Variants in PTGFRN observed in about 807,000 individuals in gnomAD.
The protein encoded by PTGFRN is prostaglandin F2 receptor negative regulator.
In PTGFRN, 35 loss-of-function variants were observed where a neutral mutation model predicts 83.2. The observed-to-expected ratio is 0.42, with a 90% CI of 0.32 to 0.56. PTGFRN has a LOEUF of 0.56. PTGFRN is among the 20% of genes least tolerant of loss of function. PTGFRN has a pLI of 0.11. For missense variants in PTGFRN, 1,051 were observed against 1,179.5 expected (o/e 0.89, Z 1.60); for synonymous variants, 519 against 498.6 (o/e 1.04, Z -0.55).
chr1:116,921,837 G>A (rs556298717), intron 1 of PTGFRN, among the ~76,000 whole-genome samples: 1 of 152,214 alleles, frequency 6.6e-6, no homozygotes, highest in African/African-American at 2.4e-5. Context: ...TGAAACTGAG[G>A]CCAGGGGCTG....
intron 1 of PTGFRN, among the ~76,000 whole-genome samples, chr1:116,937,595 G>T (rs989262246): frequency 1.3e-5 from 2 of 152,168 alleles, no homozygotes; most frequent in East Asian, 3.9e-4. Context: ...TGGAAGGATT[G>T]GAGAGTTCAG....
intron 5 of PTGFRN, among the ~76,000 whole-genome samples, chr1:116,966,250 G>T (rs985107389): frequency 6.6e-6 from 1 of 152,240 alleles, no homozygotes; most frequent in Non-Finnish European, 1.5e-5. Flanking sequence ...CCTAAAGTTA[G>T]CGTAGCCATA....
intron 6 of PTGFRN, among the ~76,000 whole-genome samples, chr1:116,972,670 C>G (rs1012851868): frequency 4.6e-5 from 7 of 152,172 alleles, no homozygotes; most frequent in African/African-American, 1.7e-4. Flanking sequence ...GGCCTTCAAT[C>G]GTTGCTTCCC....
chr1:116,975,734 A>C (rs1285697208), intron 7 of PTGFRN, among the ~76,000 whole-genome samples: 2 of 152,212 alleles, frequency 1.3e-5, no homozygotes, highest in Admixed American at 1.3e-4. Flanking sequence ...CGTCACCACC[A>C]TCAAAGACCA....
At chr1:116,949,143 G>C (rs755215995) in intron 3 of PTGFRN, 49 bp from the exon 4 acceptor site, 1 of 1,523,100 alleles carries the variant, frequency 6.6e-7, no homozygotes, top group East Asian at 2.3e-5. Flanking sequence ...AGAATAGAAG[G>C]GGCAAACATA....
chr1:116,935,173 A>C (rs1336686126), intron 1 of PTGFRN, among the ~76,000 whole-genome samples: 1 of 152,188 alleles, frequency 6.6e-6, no homozygotes, highest in African/African-American at 2.4e-5. Context: ...TGTCAAGCTC[A>C]CTTCTCTGCT....
At position 116,974,249 on chromosome 1, in the gene PTGFRN, C is replaced by T. The variant is rs752517359; in HGVS notation, c.2093C>T (p.Thr698Ile). ...TTTAATGCTTCTGTGCATTCAGACA[C>T]ACCATCAGTAATTCGGGGAGATCTG... ...PIFNASVHSD[T>I]PSVIRGDLIK... The change falls in exon 7 of 9, where the codon ACA (threonine) becomes ATA (isoleucine). Residue 698 changes from threonine to isoleucine, a missense_variant. Coordinates refer to ENST00000393203, the MANE Select transcript of PTGFRN (RefSeq NM_020440.4). 6 of 1,612,892 alleles carry T rather than the reference C, an allele frequency of 3.7e-6. No individual in the cohort carries two copies. In the Admixed American group the frequency reaches 1.0e-4, roughly 27 times the overall value.
intron 4 of PTGFRN, among the ~76,000 whole-genome samples, chr1:116,956,521 G>A (rs1297965649): frequency 1.3e-5 from 2 of 152,212 alleles, no homozygotes; most frequent in Non-Finnish European, 2.9e-5. Flanking sequence ...ACTACTTATC[G>A]AGCAGGTGGC....
chr1:116,934,644 C>T (rs1178467395), intron 1 of PTGFRN, among the ~76,000 whole-genome samples: 1 of 151,694 alleles, frequency 6.6e-6, no homozygotes, highest in Non-Finnish European at 1.5e-5. Context: ...CTGATAAAAC[C>T]AATATCTGGA....
chr1:116,967,392 G>C lies in PTGFRN; in HGVS notation c.2059+62G>C, dbSNP rs1455858102. 17 of 1,494,332 alleles carry C rather than the reference G, an allele frequency of 1.1e-5. 1 individual carries two copies. The highest frequency in any genetic ancestry group is 1.3e-5 in the Non-Finnish European group (14 of 1,107,550). The allele number at this position is 1,494,332 out of a possible 1,614,324, so 92.6% of individuals were successfully genotyped here. A position where few individuals can be genotyped will look rare whatever the true frequency, so the allele number is the denominator to read the frequency against. On this transcript the variant is annotated intron_variant, in intron 6 of 8. Transcript: ENST00000393203. ...AGAAGAGACCCTAGGGTTTTGATCA[G>C]ATGCCCTCATTTTTTAAAACAGCTT...
chr1:116,953,189 G>C (rs1258755081), intron 4 of PTGFRN, among the ~76,000 whole-genome samples: 3 of 152,204 alleles, frequency 2.0e-5, no homozygotes, highest in Non-Finnish European at 4.4e-5. Context: ...AACCTGATTT[G>C]CATTCTTCCC....
At chr1:116,944,629 G>T in intron 2 of PTGFRN, 50 bp from the exon 3 acceptor site, 1 of 1,352,580 alleles carries the variant, frequency 7.4e-7, no homozygotes, top group South Asian at 2.2e-5. Context: ...GGCCCTTGCC[G>T]GCTGGGGTCG....
At chr1:116,962,915 A>G (rs1318699641) in intron 5 of PTGFRN, among the ~76,000 whole-genome samples, 1 of 152,182 alleles carries the variant, frequency 6.6e-6, no homozygotes, top group South Asian at 2.1e-4. Flanking sequence ...GTACATTATG[A>G]TAGCACCTTC....
intron 4 of PTGFRN, among the ~76,000 whole-genome samples, chr1:116,959,346 AGTACGATGTACTCC>A (rs1034570832): frequency 6.6e-6 from 1 of 152,238 alleles, no homozygotes; most frequent in African/African-American, 2.4e-5. Flanking sequence ...TCCACATCAC[AGTACGATGTACTCC>A]CATGGATGGG....
chr1:116,949,607 A>G (rs1411783956), intron 4 of PTGFRN, 35 bp downstream of exon 4: 1 of 1,579,542 alleles, frequency 6.3e-7, no homozygotes, highest in East Asian at 2.2e-5. Flanking sequence ...TAACCTCTTC[A>G]GCTTAACCCC....
At position 116,947,943 on chromosome 1, in the gene PTGFRN, G is replaced by A. The variant is rs376871889; in HGVS notation, c.833-1249G>A. On this transcript the variant is annotated intron_variant, in intron 3 of 8. Transcript: ENST00000393203. The stretch of plus-strand genomic sequence containing the variant: ...GTGCCCACCTTATTTTCTGTCTTCT[G>A]TCTAGCTGGATCTTGAACTTGACTT... Among the ~76,000 whole-genome samples, 3 of 152,334 alleles carry A rather than the reference G, an allele frequency of 2.0e-5. No individual in the cohort carries two copies. The South Asian group carries it at 6.2e-4, about 32-fold the overall frequency.
At chr1:116,956,700 A>G (rs967845659) in intron 4 of PTGFRN, among the ~76,000 whole-genome samples, 1 of 152,138 alleles carries the variant, frequency 6.6e-6, no homozygotes, top group Admixed American at 6.5e-5. Context: ...TTCTTAACTC[A>G]GTAGGTGAGG....
chr1:116,942,683 T>A (rs1267448952), intron 2 of PTGFRN, among the ~76,000 whole-genome samples: 2 of 152,240 alleles, frequency 1.3e-5, no homozygotes, highest in African/African-American at 4.8e-5. Context: ...CCAGATGTTT[T>A]ATGTGTTATA....
chr1:116,959,351 G>C (rs1000232328), intron 4 of PTGFRN, among the ~76,000 whole-genome samples: 5 of 152,180 alleles, frequency 3.3e-5, no homozygotes, highest in African/African-American at 1.2e-4. Context: ...ATCACAGTAC[G>C]ATGTACTCCC....
Sources: gnomAD v4.1 joint callset for allele counts (sites outside exome capture counted in the v4.1 genomes callset) on GRCh38, gnomAD v4.1.1 for gene constraint, MANE v1.5 for transcripts, NCBI Gene and HGNC (gene_info 2026-07-23, HGNC 2026-07-21) for gene names.